GLYR1: variants seen among roughly 807,000 people sequenced by gnomAD.
The protein encoded by GLYR1 is glyoxylate reductase 1 homolog.
A neutral mutation model predicts 72.7 loss-of-function variants in GLYR1; 21 were observed. The ratio of observed to expected loss-of-function variants is 0.29; its 90% confidence interval spans 0.20 to 0.42. The LOEUF (loss-of-function observed/expected upper bound fraction) is 0.42. Among genes scored for constraint, GLYR1 ranks in the 10% least tolerant of loss-of-function variants. The pLI is 1.00. For synonymous variants in GLYR1, 392 were observed against 270.2 expected, an observed-to-expected ratio of 1.45 and a Z score of -4.42; for missense variants, 594 against 712.1, an observed-to-expected ratio of 0.83 and a Z score of 1.89.
intron 3 of GLYR1, among the ~76,000 whole-genome samples, chr16:4,842,308 C>A (rs905816690): frequency 2.6e-5 from 4 of 151,878 alleles, no homozygotes; most frequent in Non-Finnish European, 4.4e-5. Context: ...TTCAGTCAGT[C>A]TTCTTGGTTC....
At chr16:4,820,324 C>T (rs910507081) in intron 9 of GLYR1, among the ~76,000 whole-genome samples, 1 of 152,118 alleles carries the variant, frequency 6.6e-6, no homozygotes, top group African/African-American at 2.4e-5. Flanking sequence ...AACTGAGAGT[C>T]CTTCACACTG....
chr16:4,815,924 G>A (rs1007872819), intron 10 of GLYR1, among the ~76,000 whole-genome samples: 9 of 151,900 alleles, frequency 5.9e-5, no homozygotes, highest in Non-Finnish European at 5.9e-5. Flanking sequence ...TGGGACTACA[G>A]GCGCCCGCCA....
chr16:4,831,962 G>A lies in GLYR1; in HGVS notation c.537+17C>T. The A allele has an allele frequency of 6.2e-7, 1 of 1,609,982 alleles. No individual in the cohort carries two copies. Among genetic ancestry groups the A allele is most frequent in the Non-Finnish European group, 8.5e-7 (1 of 1,178,034 alleles). On this transcript the variant is annotated intron_variant, in intron 5 of 15. Coordinates refer to ENST00000321919, the MANE Select transcript of GLYR1 (RefSeq NM_032569.4). The stretch of plus-strand genomic sequence containing the variant: ...AAGGACATCACTAATCCCGGAAGCT[G>A]CAGAGAGAAAACAAACCTTCTCATC...
intron 4 of GLYR1, 53 bp downstream of exon 4, chr16:4,832,721 A>G (rs1247196566): frequency 6.4e-7 from 1 of 1,550,846 alleles, no homozygotes; most frequent in African/African-American, 1.4e-5. Flanking sequence ...GTTAGTTGCT[A>G]TGCAAAAATC....
rs983781393 is a variant in GLYR1, at chr16:4,843,765, T to C, written c.155+1309A>G. ...TTTTTTCAAATCTAAGGCTGTATTTTCCTATAAGAATAATAAATAGAAATA... is the reference window on the plus strand; with the variant it reads ...TTTTTTCAAATCTAAGGCTGTATTTCCCTATAAGAATAATAAATAGAAATA... On this transcript the variant is annotated intron_variant, in intron 3 of 15. Transcript: ENST00000321919. 14 of 549,662 alleles carry C rather than the reference T, an allele frequency of 2.5e-5. No individual in the cohort carries two copies. In the African/African-American group the frequency reaches 2.9e-4, roughly 11 times the overall value. 34.0% of individuals were successfully genotyped at this position (549,662 alleles called of 1,614,324 possible).
In GLYR1 at chr16:4,821,385, G is replaced by T; in HGVS notation, c.801C>A (p.Asp267Glu). The T allele has an allele frequency of 6.2e-7, 1 of 1,612,910 alleles. No homozygotes were observed. The highest frequency in any genetic ancestry group is 8.5e-7 in the Non-Finnish European group (1 of 1,180,030). ...CTTTTCATCAAAGGTCCTACTTTTTGTCTGTGGGTGTGATGCTGCCATTCA... is the reference window on the plus strand; with the variant it reads ...CTTTTCATCAAAGGTCCTACTTTTTTTCTGTGGGTGTGATGCTGCCATTCA... ...TAVNGSITPT[D>E]KKIGFLGLGL... Residue 267 changes from aspartate to glutamate, a missense_variant, in exon 9 of 16, where the codon GAC (aspartate) becomes GAA (glutamate). By Grantham distance (45) the Asp-to-Glu change is conservative. Transcript: ENST00000321919.
At chr16:4,845,395 T>C (rs1384959299) in intron 2 of GLYR1, among the ~76,000 whole-genome samples, 1 of 152,086 alleles carries the variant, frequency 6.6e-6, no homozygotes, top group African/African-American at 2.4e-5. Flanking sequence ...ATATTTAACA[T>C]GTAGCACAGT....
chr16:4,835,843 A>G (rs1417870198), intron 3 of GLYR1, among the ~76,000 whole-genome samples: 1 of 152,188 alleles, frequency 6.6e-6, no homozygotes, highest in Non-Finnish European at 1.5e-5. Context: ...AAACAGTAAC[A>G]ACAAAAAAAC....
chr16:4,804,413 G>A lies in GLYR1; in HGVS notation c.*823C>T, dbSNP rs2082854295. On this transcript the variant is annotated 3_prime_UTR_variant, in exon 16 of 16. Coordinates refer to ENST00000321919, the MANE Select transcript of GLYR1 (RefSeq NM_032569.4). ...CCTGAGGACTCCCTCCCAAGGGATG[G>A]AATGCAAATCCAAATACTAAAACAG... 1 of 152,790 alleles carries A rather than the reference G, an allele frequency of 6.5e-6. No individual in the cohort carries two copies. The highest frequency in any genetic ancestry group is 1.5e-5 in the Non-Finnish European group (1 of 68,170). 9.5% of individuals were successfully genotyped at this position (152,790 alleles called of 1,614,324 possible).
intron 9 of GLYR1, chr16:4,821,179 T>C (rs960608170): frequency 2.3e-5 from 14 of 609,254 alleles, no homozygotes; most frequent in African/African-American, 2.0e-4. Context: ...CCTCAGCTTA[T>C]GCCCAAGGGA....
In GLYR1 at chr16:4,812,228, C is replaced by T. The variant is rs533332243; in HGVS notation, c.1140G>A (p.Gly380=). ...ELAQVIVSRG[G]RFLEAPVSGN... The stretch of plus-strand genomic sequence containing the variant: ...CTGAGACGGGGGCTTCCAGAAAGCG[C>T]CCCCCCCTGGACACAATCACCTGGA... The change falls in exon 13 of 16, where the codon GGG becomes GGA. Residue 380 remains glycine (G), a synonymous_variant. Transcript: ENST00000321919. 25 of 1,606,680 alleles carry T rather than the reference C, an allele frequency of 1.6e-5. No individual in the cohort carries two copies. The highest frequency in any genetic ancestry group is 2.7e-5 in the African/African-American group (2 of 74,584).
At position 4,823,876 on chromosome 16, in the gene GLYR1, T is replaced by C. The variant is rs1234370752; in HGVS notation, c.569A>G (p.Lys190Arg). The C allele has an allele frequency of 1.2e-6, 2 of 1,613,938 alleles. No homozygotes were observed. The highest frequency in any genetic ancestry group is 1.7e-6 in the Non-Finnish European group (2 of 1,180,002). ...DLTIPESSTV[K>R]GMMAGPMAAF... ...GGCCATCGGTCCGGCCATCATCCCC[T>C]TCACGGTACTAGACTCCGGGATGGT... Residue 190 changes from lysine (K) to arginine (R), a missense_variant, in exon 6 of 16, where the codon AAG becomes AGG. Lys to Arg is a conservative substitution (Grantham distance 26). Around this residue, in one of 5 missense-constraint regions of GLYR1, gnomAD observed 252 missense variants for 211.3 expected, o/e 1.19. Coordinates refer to ENST00000321919, the MANE Select transcript of GLYR1 (RefSeq NM_032569.4).
intron 5 of GLYR1, 126 bp from the exon 6 acceptor site, chr16:4,824,033 G>A: frequency 1.5e-6 from 1 of 648,184 alleles, no homozygotes; most frequent in Non-Finnish European, 2.7e-6. Flanking sequence ...CCGTCCCTCG[G>A]GAGAAACAAG....
At chr16:4,841,187 G>A (rs1343686267) in intron 3 of GLYR1, among the ~76,000 whole-genome samples, 1 of 152,070 alleles carries the variant, frequency 6.6e-6, no homozygotes, top group Admixed American at 6.5e-5. Context: ...TTTTTGTCTT[G>A]AGCAAGCACA....
chr16:4,822,887 G>T lies in GLYR1; in HGVS notation c.669C>A (p.Ser223Arg). The T allele has an allele frequency of 6.2e-7, 1 of 1,614,098 alleles. No individual in the cohort carries two copies. Among genetic ancestry groups the T allele is most frequent in the South Asian group, 1.1e-5 (1 of 91,090 alleles). The change falls in exon 7 of 16, where the codon AGC (serine) becomes AGA (arginine). Residue 223 changes from serine (S) to arginine (R), a missense_variant. Physicochemically the swap from Ser to Arg is moderately radical, Grantham distance 110. Coordinates refer to ENST00000321919, the MANE Select transcript of GLYR1 (RefSeq NM_032569.4). ...ADPHFHHFLL[S>R]QTEKPAVCYQ... ...AAAGGCAACTCACCTTCTCTGTTTG[G>T]CTTAGCAGGAAATGATGGAAATGAG...
rs2085627320 is a variant in GLYR1 at position 4,842,359 on chromosome 16, TTTC to T, written c.155+2712_155+2714del. Among the ~76,000 whole-genome samples the T allele has an allele frequency of 3.3e-5, 5 of 152,300 alleles. No homozygotes were observed. The South Asian group carries it at 1.0e-3, about 32-fold the overall frequency. On this transcript the variant is annotated intron_variant, in intron 3 of 15. Coordinates refer to ENST00000321919, the MANE Select transcript of GLYR1 (RefSeq NM_032569.4). Reference sequence around the variant, plus strand: ...GAGCTCTCCCTCTTCTAGAATTCTTTTTCTTTTTAAGACAGGGTCTAGCTCTGT... The same window carrying T: ...GAGCTCTCCCTCTTCTAGAATTCTTTTTTTTAAGACAGGGTCTAGCTCTGT...
At chr16:4,846,773 T>A in intron 1 of GLYR1, 1 of 247,510 alleles carries the variant, frequency 4.0e-6, no homozygotes, top group Non-Finnish European at 8.0e-6. Context: ...CAGTCCGGTT[T>A]AGACAACCCC....
rs143624351 is a variant in GLYR1, at chr16:4,804,933, C to CTGTGTGTGTGTGTG, written c.*289_*302dup. 891 of 297,464 alleles carry CTGTGTGTGTGTGTG rather than the reference C, an allele frequency of 3.0e-3. 5 individuals carry two copies. The highest frequency in any genetic ancestry group is 3.6e-3 in the Non-Finnish European group (558 of 153,714). 18.4% of individuals were successfully genotyped at this position (297,464 alleles called of 1,614,324 possible). A position where few individuals can be genotyped will look rare whatever the true frequency, so the allele number is the denominator to read the frequency against. On this transcript the variant is annotated 3_prime_UTR_variant, in exon 16 of 16. Coordinates refer to ENST00000321919, the MANE Select transcript of GLYR1 (RefSeq NM_032569.4). ...GCAGCTTCTATCCTGGGGCGAGAGC[C>CTGTGTGTGTGTGTG]TGTGTGTGTGTGTGTGTGTGTGTGT...
intron 5 of GLYR1, among the ~76,000 whole-genome samples, chr16:4,826,676 T>C (rs117183064): frequency 0.019 from 2,904 of 152,344 alleles, 37 homozygotes; most frequent in Non-Finnish European, 0.03. Context: ...TATTCTGCAA[T>C]GATGGGCGTG....
Sources: gnomAD v4.1 joint callset for allele counts (sites outside exome capture counted in the v4.1 genomes callset) on GRCh38, gnomAD v4.1.1 for gene constraint, gnomAD v4.1.1 regional missense constraint, MANE v1.5 for transcripts, NCBI Gene and HGNC (gene_info 2026-07-23, HGNC 2026-07-21) for gene names.